CREM: variants seen among roughly 807,000 people sequenced by gnomAD.
CREM encodes cAMP-responsive element modulator.
CREM carries 13 observed loss-of-function variants against 37.3 expected under a neutral mutation model. The observed-to-expected ratio is 0.35, with a 90% CI of 0.23 to 0.55. The LOEUF is 0.55. Among genes scored for constraint, CREM ranks in the 20% least tolerant of loss-of-function variants. The pLI is 0.88. For synonymous variants in CREM, 124 were observed against 120.2 expected (o/e 1.03, Z -0.21); for missense variants, 296 against 362.3 (o/e 0.82, Z 1.49).
intron 5 of CREM, among the ~76,000 whole-genome samples, chr10:35,183,459 G>C (rs2133345472): frequency 6.6e-6 from 1 of 152,246 alleles, no homozygotes; most frequent in Non-Finnish European, 1.5e-5. Flanking sequence ...AATTTTTTAA[G>C]GCACTACTTA....
chr10:35,132,041 A>T (rs568511554), intron 1 of CREM, among the ~76,000 whole-genome samples: 5 of 152,092 alleles, frequency 3.3e-5, no homozygotes, highest in Non-Finnish European at 7.4e-5. Context: ...TCTCTACTAA[A>T]AATACAAAAA....
chr10:35,154,607 C>T (rs2092785178), intron 3 of CREM: 1 of 152,006 alleles, frequency 6.6e-6, no homozygotes, highest in Non-Finnish European at 1.5e-5. Flanking sequence ...TATTCTTTCC[C>T]CTGGCTGTTT....
At chr10:35,152,322 C>A (rs1483496058) in intron 3 of CREM, 1 of 152,214 alleles carries the variant, frequency 6.6e-6, no homozygotes, top group Non-Finnish European at 1.5e-5. Context: ...TCATCAGAGA[C>A]CTAGCAACTG....
At chr10:35,185,186 C>T (rs1420170902) in intron 5 of CREM, among the ~76,000 whole-genome samples, 1 of 151,696 alleles carries the variant, frequency 6.6e-6, no homozygotes, top group Non-Finnish European at 1.5e-5. Context: ...CACCGCAACC[C>T]CCGCCTCCCA....
intron 3 of CREM, among the ~76,000 whole-genome samples, chr10:35,149,959 T>C (rs2092473372): frequency 7.6e-6 from 1 of 132,100 alleles, no homozygotes; most frequent in South Asian, 2.5e-4. Context: ...AAAAAATGCA[T>C]GTTCATTGTA....
intron 3 of CREM, among the ~76,000 whole-genome samples, chr10:35,155,913 G>A (rs1436921500): frequency 6.6e-6 from 1 of 151,098 alleles, no homozygotes; most frequent in South Asian, 2.1e-4. Flanking sequence ...ACAGGCATGA[G>A]CCACTGCGCC....
At chr10:35,155,465 A>G (rs189996628) in intron 3 of CREM, among the ~76,000 whole-genome samples, 12 of 152,322 alleles carry the variant, frequency 7.9e-5, no homozygotes, top group Middle Eastern at 3.4e-3. Flanking sequence ...ACTTAACACT[A>G]CAAACTACAC....
intron 3 of CREM, among the ~76,000 whole-genome samples, chr10:35,176,904 G>A (rs1022167833): frequency 6.6e-6 from 1 of 152,172 alleles, no homozygotes; most frequent in East Asian, 1.9e-4. Flanking sequence ...ATCCAGAGAT[G>A]TATTTTACCC....
rs74775069 is a variant in CREM at position 35,166,219 on chromosome 10, A to G, written c.169-12670A>G. Among the ~76,000 whole-genome samples, 28 of 152,232 alleles carry G rather than the reference A, an allele frequency of 1.8e-4. 1 individual carries two copies. The East Asian group carries it at 4.2e-3, about 23-fold the overall frequency. On this transcript the variant is annotated intron_variant, in intron 3 of 7. Coordinates refer to ENST00000685392, the MANE Select transcript of CREM (RefSeq NM_183011.2). The stretch of plus-strand genomic sequence containing the variant: ...CATATATTCTTAAGGTAAAATTTAA[A>G]TGCATTGAATTTGCAATTTGTTAGC...
chr10:35,177,066 C>G (rs1468649261), intron 3 of CREM, among the ~76,000 whole-genome samples: 9 of 147,104 alleles, frequency 6.1e-5, no homozygotes, highest in African/African-American at 2.3e-4. Context: ...TTATTTGAAC[C>G]TAATTGATGA....
intron 6 of CREM, chr10:35,201,597 G>A (rs34001864): frequency 0.16 from 219,003 of 1,337,216 alleles, 19,024 homozygotes; most frequent in South Asian, 0.21. Context: ...AAAATTGAGA[G>A]TTCTAGGAAT....
rs547449990 is a variant in CREM, at chr10:35,151,032, G to A, written c.168+2541G>A. On this transcript the variant is annotated intron_variant, in intron 3 of 7. Coordinates refer to ENST00000685392, the MANE Select transcript of CREM (RefSeq NM_183011.2). ...AGAATAAGTAAGAGGAGGGGAAGTG[G>A]AAGTTGGAAGTATAGACTCTTTTAA... Among the ~76,000 whole-genome samples, 545 of 152,310 alleles carry A rather than the reference G, an allele frequency of 3.6e-3. 7 individuals carry two copies. The highest frequency in any genetic ancestry group is 3.5e-3 in the Non-Finnish European group (238 of 68,036).
At chr10:35,161,057 A>G (rs2093263467) in intron 3 of CREM, among the ~76,000 whole-genome samples, 1 of 152,202 alleles carries the variant, frequency 6.6e-6, no homozygotes, top group Non-Finnish European at 1.5e-5. Flanking sequence ...AATAATAAAA[A>G]GTATGGTAAA....
At chr10:35,198,041 A>C (rs2095265136) in intron 6 of CREM, among the ~76,000 whole-genome samples, 1 of 152,148 alleles carries the variant, frequency 6.6e-6, no homozygotes, top group African/African-American at 2.4e-5. Context: ...TGTACCCATA[A>C]TTCCTTTTCT....
intron 3 of CREM, among the ~76,000 whole-genome samples, chr10:35,163,983 A>C (rs534278185): frequency 5.8e-4 from 88 of 152,156 alleles, no homozygotes; most frequent in Non-Finnish European, 1.0e-3. Flanking sequence ...TCAAAAAAAA[A>C]AAAACAAAAA....
intron 6 of CREM, among the ~76,000 whole-genome samples, chr10:35,193,020 T>C (rs1408354831): frequency 1.3e-5 from 2 of 152,140 alleles, no homozygotes; most frequent in Non-Finnish European, 2.9e-5. Context: ...CACATACCGA[T>C]TGCCTGATAA....
In CREM at chr10:35,127,056, A is replaced by T. The variant is rs1207024262; in HGVS notation, c.-192A>T. 1 of 152,698 alleles carries T rather than the reference A, an allele frequency of 6.5e-6. No homozygotes were observed. Among genetic ancestry groups the T allele is most frequent in the Non-Finnish European group, 1.5e-5 (1 of 68,120 alleles). The allele number at this position is 152,698 out of a possible 1,614,324, so 9.5% of individuals were successfully genotyped here. On this transcript the variant is annotated 5_prime_UTR_variant, in exon 1 of 8. Transcript: ENST00000685392. Reference sequence around the variant, plus strand: ...CGGCTACCGCATCACAGCTGACGTGAGGACTACGTGGGGCCGCTGCCGGCT... The same window carrying T: ...CGGCTACCGCATCACAGCTGACGTGTGGACTACGTGGGGCCGCTGCCGGCT...
chr10:35,164,565 A>T (rs2093445622), intron 3 of CREM, among the ~76,000 whole-genome samples: 1 of 152,272 alleles, frequency 6.6e-6, no homozygotes, highest in Non-Finnish European at 1.5e-5. Flanking sequence ...CACTTTGGGC[A>T]TAAAAATCTA....
chr10:35,189,307 G>T (rs1208537663), intron 6 of CREM, among the ~76,000 whole-genome samples: 1 of 151,906 alleles, frequency 6.6e-6, no homozygotes, highest in Non-Finnish European at 1.5e-5. Context: ...AGCTTTTAGG[G>T]TTACCTGAGA....
Sources: gnomAD v4.1 joint callset for allele counts (sites outside exome capture counted in the v4.1 genomes callset) on GRCh38, gnomAD v4.1.1 for gene constraint, MANE v1.5 for transcripts, NCBI Gene and HGNC (gene_info 2026-07-23, HGNC 2026-07-21) for gene names.